Variants in ELAPOR2 observed in about 807,000 individuals in gnomAD.
ELAPOR2 encodes the protein endosome/lysosome-associated apoptosis and autophagy regulator family member 2.
In ELAPOR2, 89 loss-of-function variants were observed where a neutral mutation model predicts 120.7. The observed-to-expected ratio is 0.74, with a 90% CI of 0.62 to 0.88. The LOEUF is 0.88. ELAPOR2 is among the 40% of genes least tolerant of loss of function. ELAPOR2 has a pLI of 0.00. For synonymous variants in ELAPOR2, 444 were observed against 444.9 expected (o/e 1.00, Z 0.03); for missense variants, 1,134 against 1,251.6 (o/e 0.91, Z 1.42).
Position 87,043,930 on chromosome 7 carries a change from G to A in ELAPOR2, c.189+15395C>T, listed in dbSNP as rs76783847. On this transcript the variant is annotated intron_variant, in intron 1 of 21. Transcript: ENST00000450689. ...AGCGAAGTCTCAGGATACAAAATCA[G>A]TGTACAAAAATCACAAGCATTCTTA... Among the ~76,000 whole-genome samples, 4 of 151,934 alleles carry A rather than the reference G, an allele frequency of 2.6e-5. No individual in the cohort carries two copies. The East Asian group carries it at 5.8e-4, about 22-fold the overall frequency.
chr7:86,980,330 T>C (rs894046039), intron 1 of ELAPOR2, among the ~76,000 whole-genome samples: 4 of 152,212 alleles, frequency 2.6e-5, no homozygotes, highest in Non-Finnish European at 5.9e-5. Flanking sequence ...AATTCTGTCT[T>C]TGCTGTATTA....
intron 1 of ELAPOR2, among the ~76,000 whole-genome samples, chr7:86,969,785 A>G (rs1792042725): frequency 6.6e-6 from 1 of 152,210 alleles, no homozygotes; most frequent in African/African-American, 2.4e-5. Flanking sequence ...AATCGCATTC[A>G]GTAGAGTATG....
At chr7:86,992,915 A>G (rs1792991583) in intron 1 of ELAPOR2, among the ~76,000 whole-genome samples, 1 of 152,180 alleles carries the variant, frequency 6.6e-6, no homozygotes, top group South Asian at 2.1e-4. Context: ...TGCAACAACT[A>G]TAAAAACTAC....
intron 1 of ELAPOR2, among the ~76,000 whole-genome samples, chr7:87,010,306 TA>T (rs943104068): frequency 6.6e-5 from 10 of 152,286 alleles, no homozygotes; most frequent in African/African-American, 2.4e-4. Context: ...TTAACAGATA[TA>T]AATGGAGTCA....
rs527821090 is a variant in ELAPOR2, at chr7:86,896,043, C to T, written c.2685+1463G>A. On this transcript the variant is annotated intron_variant, in intron 19 of 21. Transcript: ENST00000450689. ...CTCAGCAGTGTGCTAGCTGAGTGAG[C>T]GGCACTGACCCTGTGTGCTCTGAAC... Among the ~76,000 whole-genome samples the T allele has an allele frequency of 7.9e-5, 12 of 152,098 alleles. No individual in the cohort carries two copies. In the South Asian group the frequency reaches 2.1e-3, roughly 26 times the overall value.
At chr7:87,037,515 A>G (rs189770968) in intron 1 of ELAPOR2, among the ~76,000 whole-genome samples, 1 of 152,144 alleles carries the variant, frequency 6.6e-6, no homozygotes, top group Non-Finnish European at 1.5e-5. Flanking sequence ...AAATCCATCT[A>G]TTCTCTCCCT....
intron 1 of ELAPOR2, among the ~76,000 whole-genome samples, chr7:86,983,303 C>G (rs1169199953): frequency 6.6e-6 from 1 of 152,170 alleles, no homozygotes; most frequent in African/African-American, 2.4e-5. Flanking sequence ...CCTAGCAAGG[C>G]AGGCCAACAT....
intron 1 of ELAPOR2, among the ~76,000 whole-genome samples, chr7:87,055,418 T>C (rs138953913): frequency 7.2e-5 from 11 of 152,296 alleles, no homozygotes; most frequent in African/African-American, 2.4e-4. Flanking sequence ...TGATATAAGG[T>C]CCCTTATGAT....
chr7:87,059,563 G>A lies in ELAPOR2; in HGVS notation c.-50C>T. ...CCGGCGGCAAGGCAGCCTTCCCGGGGTGCGGCGGCAGCTCCGGCTCCCGGG... is the reference window on the plus strand; with the variant it reads ...CCGGCGGCAAGGCAGCCTTCCCGGGATGCGGCGGCAGCTCCGGCTCCCGGG... On this transcript the variant is annotated 5_prime_UTR_variant, in exon 1 of 22. Coordinates refer to ENST00000450689, the MANE Select transcript of ELAPOR2 (RefSeq NM_001142749.3). The A allele has an allele frequency of 8.7e-7, 1 of 1,153,438 alleles. No homozygotes were observed. The highest frequency in any genetic ancestry group is 1.1e-6 in the Non-Finnish European group (1 of 938,354). The allele number at this position is 1,153,438 out of a possible 1,614,324, so 71.5% of individuals were successfully genotyped here.
intron 1 of ELAPOR2, among the ~76,000 whole-genome samples, chr7:87,016,704 T>C (rs1793878769): frequency 6.6e-6 from 1 of 150,390 alleles, no homozygotes; most frequent in Admixed American, 6.6e-5. Context: ...ATAACTGTAA[T>C]GAACCAATCT....
intron 1 of ELAPOR2, among the ~76,000 whole-genome samples, chr7:87,018,682 TACATG>T (rs1372586419): frequency 6.6e-6 from 1 of 152,166 alleles, no homozygotes; most frequent in Non-Finnish European, 1.5e-5. Context: ...AGAGAGAAAC[TACATG>T]AATGAGTTTG....
intron 2 of ELAPOR2, among the ~76,000 whole-genome samples, chr7:86,958,872 C>A (rs1050634373): frequency 6.6e-6 from 1 of 151,996 alleles, no homozygotes; most frequent in African/African-American, 2.4e-5. Flanking sequence ...TCTAGAGATT[C>A]TTGAGGTTTT....
At chr7:86,907,562 CTGTTT>C (rs1789079697) in intron 18 of ELAPOR2, 103 bp downstream of exon 18, 1 of 689,974 alleles carries the variant, frequency 1.4e-6, no homozygotes, top group Non-Finnish European at 2.3e-6. Context: ...ACAGATTGTT[CTGTTT>C]TCTTTCTGCT....
chr7:87,004,681 T>G (rs150531686), intron 1 of ELAPOR2, among the ~76,000 whole-genome samples: 298 of 152,290 alleles, frequency 2.0e-3, no homozygotes, highest in Middle Eastern at 0.014. Context: ...CAAGGTCACA[T>G]GCTGGTGGCT....
rs78072798 is a variant in ELAPOR2 at position 86,996,085 on chromosome 7, G to T, written c.190-31061C>A. 4.4e-3 allele frequency among the ~76,000 whole-genome samples: 674 copies of T among 151,952 alleles called. 3 individuals are homozygous for T. The highest frequency in any genetic ancestry group is 0.015 in the African/African-American group (614 of 41,390). The stretch of plus-strand genomic sequence containing the variant: ...GAGGGAATTGAAGGAGAATAAGAGA[G>T]AAAAGATCTTCCCCTTTGGGAAACT... On this transcript the variant is annotated intron_variant, in intron 1 of 21. Coordinates refer to ENST00000450689, the MANE Select transcript of ELAPOR2 (RefSeq NM_001142749.3).
At chr7:86,949,188 A>G (rs1791129740) in intron 2 of ELAPOR2, among the ~76,000 whole-genome samples, 1 of 152,228 alleles carries the variant, frequency 6.6e-6, no homozygotes, top group Non-Finnish European at 1.5e-5. Flanking sequence ...AAAAAAGATT[A>G]TGCAAAGAAT....
At chr7:86,953,598 A>AC (rs1294436928) in intron 2 of ELAPOR2, among the ~76,000 whole-genome samples, 3 of 152,164 alleles carry the variant, frequency 2.0e-5, no homozygotes, top group African/African-American at 7.2e-5. Context: ...CAACATAGGA[A>AC]CCCTTCAACA....
chr7:86,885,989 G>T (rs142847497), intron 21 of ELAPOR2, among the ~76,000 whole-genome samples: 1 of 151,996 alleles, frequency 6.6e-6, no homozygotes, highest in Non-Finnish European at 1.5e-5. Flanking sequence ...GGTGAGTCAG[G>T]GTTTCACACA....
At chr7:86,983,948 T>C (rs10952894) in intron 1 of ELAPOR2, among the ~76,000 whole-genome samples, 57,489 of 151,976 alleles carry the variant, frequency 0.38, 11,723 homozygotes, top group African/African-American at 0.53. Flanking sequence ...ACCCATCTCA[T>C]GTGCAGAGAC....
Sources: allele counts gnomAD v4.1 joint callset (sites outside exome capture counted in the v4.1 genomes callset), GRCh38; gene constraint gnomAD v4.1.1; transcripts MANE v1.5; gene names NCBI Gene and HGNC (gene_info 2026-07-23, HGNC 2026-07-21).